The following FAM135B variants were observed in gnomAD, a reference collection of about 807,000 sequenced individuals.
FAM135B encodes the protein protein FAM135B.
FAM135B carries 43 observed loss-of-function variants against 127.7 expected under a neutral mutation model. The observed-to-expected ratio is 0.34, with a 90% CI of 0.26 to 0.43. The LOEUF (loss-of-function observed/expected upper bound fraction) is 0.43, where lower values mean the gene tolerates loss of function less well. FAM135B is among the 20% of genes least tolerant of loss of function. The pLI, the probability that FAM135B is intolerant of heterozygous loss-of-function variation, is 1.00. For missense variants in FAM135B, 1,558 were observed against 1,725.6 expected (o/e 0.90, Z 1.72); for synonymous variants, 670 against 665.1 (o/e 1.01, Z -0.11).
intron 2 of FAM135B, among the ~76,000 whole-genome samples, chr8:138,351,094 A>G (rs1361498429): frequency 6.6e-6 from 1 of 152,170 alleles, no homozygotes; most frequent in Non-Finnish European, 1.5e-5. Context: ...GTTACTTCAC[A>G]TATAAGGCAT....
chr8:138,351,133 C>T (rs963688530), intron 2 of FAM135B, among the ~76,000 whole-genome samples: 1 of 152,140 alleles, frequency 6.6e-6, no homozygotes, highest in East Asian at 1.9e-4. Flanking sequence ...AAATTGTGTT[C>T]CCTCTACACA....
chr8:138,375,718 T>C (rs1226499869), intron 1 of FAM135B, among the ~76,000 whole-genome samples: 1 of 152,216 alleles, frequency 6.6e-6, no homozygotes, highest in Non-Finnish European at 1.5e-5. Flanking sequence ...GCATGTGTGT[T>C]GGTTTCCCTC....
At chr8:138,293,630 C>T (rs192922662) in intron 3 of FAM135B, among the ~76,000 whole-genome samples, 131 of 152,170 alleles carry the variant, frequency 8.6e-4, no homozygotes, top group African/African-American at 2.9e-3. Flanking sequence ...AAATGGCCAA[C>T]GAACATATGC....
intron 4 of FAM135B, among the ~76,000 whole-genome samples, chr8:138,257,015 A>C (rs1291509112): frequency 1.3e-5 from 2 of 152,214 alleles, no homozygotes; most frequent in East Asian, 3.9e-4. Flanking sequence ...AAAAAATGCT[A>C]AACAAGTTTC....
At chr8:138,330,265 G>T (rs767837129) in intron 2 of FAM135B, among the ~76,000 whole-genome samples, 13 of 152,112 alleles carry the variant, frequency 8.5e-5, no homozygotes, top group Non-Finnish European at 1.2e-4. Context: ...TGCTTTATGT[G>T]GTTCAGGGCA....
At chr8:138,440,653 A>G (rs1023224327) in intron 1 of FAM135B, 8 of 152,132 alleles carry the variant, frequency 5.3e-5, no homozygotes, top group Non-Finnish European at 1.0e-4. Context: ...ACCTTACCCA[A>G]TACTTTTTTG....
At chr8:138,235,278 C>T (rs954717582) in intron 7 of FAM135B, among the ~76,000 whole-genome samples, 5 of 151,750 alleles carry the variant, frequency 3.3e-5, no homozygotes, top group Admixed American at 1.3e-4. Context: ...AGATGCTACA[C>T]CAGGCTGGGA....
chr8:138,187,293 G>A (rs140751467), intron 9 of FAM135B, among the ~76,000 whole-genome samples: 358 of 152,342 alleles, frequency 2.3e-3, no homozygotes, highest in African/African-American at 8.2e-3. Flanking sequence ...GGAAAAATTC[G>A]TATCTGCAGA....
chr8:138,379,431 A>G (rs1255351332), intron 1 of FAM135B, among the ~76,000 whole-genome samples: 2 of 152,194 alleles, frequency 1.3e-5, no homozygotes, highest in African/African-American at 2.4e-5. Flanking sequence ...TAATGCTAAT[A>G]TTAGAATAAC....
At chr8:138,216,792 A>T (rs1241146835) in intron 7 of FAM135B, among the ~76,000 whole-genome samples, 1 of 152,212 alleles carries the variant, frequency 6.6e-6, no homozygotes, top group East Asian at 1.9e-4. Flanking sequence ...TTGACTTGGT[A>T]GTCTTTGCAA....
intron 3 of FAM135B, among the ~76,000 whole-genome samples, chr8:138,298,779 A>C (rs1026330103): frequency 5.3e-5 from 8 of 152,116 alleles, no homozygotes; most frequent in African/African-American, 1.9e-4. Context: ...ATTTTTAAAA[A>C]ACTATTCCCA....
chr8:138,207,926 C>T (rs898871738), intron 7 of FAM135B, among the ~76,000 whole-genome samples: 1 of 152,194 alleles, frequency 6.6e-6, no homozygotes, highest in Non-Finnish European at 1.5e-5. Context: ...AAATCCAGGG[C>T]TCACGACTCA....
chr8:138,458,554 T>C (rs538628588), intron 1 of FAM135B, among the ~76,000 whole-genome samples: 42 of 152,310 alleles, frequency 2.8e-4, no homozygotes, highest in South Asian at 2.1e-4. Flanking sequence ...AGAGAGTACA[T>C]GTGTCCAGAG....
chr8:138,172,170 GTGGAGT>G (rs1248586811), intron 11 of FAM135B, among the ~76,000 whole-genome samples: 1 of 152,234 alleles, frequency 6.6e-6, no homozygotes, highest in African/African-American at 2.4e-5. Flanking sequence ...CAGGGAGAAT[GTGGAGT>G]TGGAGTTGGA....
rs115966003 is a variant in FAM135B, at chr8:138,379,771, T to C, written c.-19-11769A>G. On this transcript the variant is annotated intron_variant, in intron 1 of 19. Coordinates refer to ENST00000395297, the MANE Select transcript of FAM135B (RefSeq NM_015912.4). ...AGGGAAGAATAGCACCTCACATTCATTGAGGTTGGGGGAGGTTTCAATGCA... is the reference window on the plus strand; with the variant it reads ...AGGGAAGAATAGCACCTCACATTCACTGAGGTTGGGGGAGGTTTCAATGCA... Among the ~76,000 whole-genome samples, 1,358 of 152,220 alleles carry C rather than the reference T, an allele frequency of 8.9e-3. 23 individuals are homozygous for C. The highest frequency in any genetic ancestry group is 0.031 in the African/African-American group (1,289 of 41,534).
intron 2 of FAM135B, among the ~76,000 whole-genome samples, chr8:138,362,587 C>CA (rs1352926033): frequency 3.9e-5 from 6 of 152,074 alleles, no homozygotes; most frequent in African/African-American, 1.4e-4. Context: ...TGTACTTGGG[C>CA]AAAAAACTTA....
chr8:138,495,002 T>A (rs1368248930), intron 1 of FAM135B, among the ~76,000 whole-genome samples: 1 of 152,158 alleles, frequency 6.6e-6, no homozygotes, highest in Non-Finnish European at 1.5e-5. Context: ...TTGCCCTGAG[T>A]GAATCTTGGA....
chr8:138,258,801 C>CA (rs1822306465), intron 4 of FAM135B, among the ~76,000 whole-genome samples: 1 of 42,582 alleles, frequency 2.3e-5, no homozygotes, highest in African/African-American at 1.0e-4. Context: ...AAGACACACA[C>CA]ACCACACACA....
intron 1 of FAM135B, among the ~76,000 whole-genome samples, chr8:138,481,305 G>C (rs747779403): frequency 2.6e-5 from 4 of 152,206 alleles, no homozygotes; most frequent in Non-Finnish European, 5.9e-5. Flanking sequence ...AAATAGTCTT[G>C]TTATCTCCAT....
Sources: allele counts gnomAD v4.1 joint callset (sites outside exome capture counted in the v4.1 genomes callset), GRCh38; gene constraint gnomAD v4.1.1; transcripts MANE v1.5; gene names NCBI Gene and HGNC (gene_info 2026-07-23, HGNC 2026-07-21).